FNDC3A: variants seen among roughly 807,000 people sequenced by gnomAD.
The protein encoded by FNDC3A is fibronectin type-III domain-containing protein 3A.
In FNDC3A, 32 loss-of-function variants were observed where a neutral mutation model predicts 148.9. The ratio of observed to expected loss-of-function variants is 0.21; its 90% confidence interval spans 0.16 to 0.29. The LOEUF (loss-of-function observed/expected upper bound fraction) is 0.29, where lower values mean the gene tolerates loss of function less well. Ranked by LOEUF, FNDC3A falls within the 10% of genes least tolerant of loss-of-function variation. The probability of loss-of-function intolerance (pLI) is 1.00; values close to 1 mark genes in which losing one functional copy is unlikely to be tolerated. For missense variants in FNDC3A, 1,191 were observed against 1,452.8 expected, an observed-to-expected ratio of 0.82 and a Z score of 2.93; for synonymous variants, 472 against 473.6, an observed-to-expected ratio of 1.00 and a Z score of 0.04.
chr13:49,182,960 C>T (rs1490785047), intron 14 of FNDC3A, among the ~76,000 whole-genome samples: 1 of 152,102 alleles, frequency 6.6e-6, no homozygotes, highest in Non-Finnish European at 1.5e-5. Context: ...CCTTCAGGCT[C>T]TTTTTTCACC....
chr13:49,153,557 C>T (rs966674144), intron 8 of FNDC3A, among the ~76,000 whole-genome samples: 23 of 152,086 alleles, frequency 1.5e-4, no homozygotes, highest in African/African-American at 5.3e-4. Flanking sequence ...CTTTTGTTTC[C>T]ATTGCTTTTG....
intron 3 of FNDC3A, among the ~76,000 whole-genome samples, chr13:49,107,433 T>TG (rs1880269466): frequency 6.6e-6 from 1 of 152,092 alleles, no homozygotes; most frequent in Non-Finnish European, 1.5e-5. Context: ...TGGGCACAGA[T>TG]GCAATGGTTC....
chr13:49,175,755 C>T (rs943943526), intron 13 of FNDC3A, among the ~76,000 whole-genome samples: 3 of 151,888 alleles, frequency 2.0e-5, no homozygotes, highest in Non-Finnish European at 2.9e-5. Context: ...GAATAGGAGA[C>T]GAGGGCATCC....
At chr13:49,141,862 C>T (rs1037844238) in intron 7 of FNDC3A, among the ~76,000 whole-genome samples, 61 of 152,000 alleles carry the variant, frequency 4.0e-4, no homozygotes, top group Non-Finnish European at 7.2e-4. Context: ...ACAATCATAC[C>T]TATTTTCAGC....
chr13:49,011,172 A>G (rs191338869), intron 2 of FNDC3A, among the ~76,000 whole-genome samples: 2 of 152,200 alleles, frequency 1.3e-5, no homozygotes, highest in Admixed American at 6.5e-5. Flanking sequence ...TTAGTCAGTC[A>G]TAAGTGTAGT....
intron 8 of FNDC3A, among the ~76,000 whole-genome samples, chr13:49,161,757 C>T (rs542035533): frequency 6.6e-6 from 1 of 152,270 alleles, no homozygotes; most frequent in South Asian, 2.1e-4. Flanking sequence ...GGTTCCTTTC[C>T]ATGTTTAGTG....
chr13:49,078,723 A>T (rs949674112), intron 3 of FNDC3A, among the ~76,000 whole-genome samples: 1 of 152,236 alleles, frequency 6.6e-6, no homozygotes, highest in Non-Finnish European at 1.5e-5. Context: ...AGCCATCACT[A>T]GTTTCTGTCA....
rs1485291348 is a variant in FNDC3A at position 48,983,656 on chromosome 13, C to T, written c.-40+7479C>T. Among the ~76,000 whole-genome samples, 14 of 152,166 alleles carry T rather than the reference C, an allele frequency of 9.2e-5. 1 individual carries two copies. The East Asian group carries it at 2.7e-3, about 29-fold the overall frequency. ...ATTTGTGCTTGACAAATAAAAGGCA[C>T]TTAGTAAATAATATGATTAATAGGC... is the stretch of plus-strand genomic sequence containing the variant. On this transcript the variant is annotated intron_variant, in intron 1 of 25. Coordinates refer to ENST00000492622, the MANE Select transcript of FNDC3A (RefSeq NM_001079673.2).
intron 1 of FNDC3A, among the ~76,000 whole-genome samples, chr13:49,002,541 CAGGTCAAG>C (rs1229213528): frequency 6.6e-6 from 1 of 152,142 alleles, no homozygotes; most frequent in Non-Finnish European, 1.5e-5. Flanking sequence ...AATAGCCCCC[CAGGTCAAG>C]ACATAGAACA....
Position 49,198,141 on chromosome 13 carries a change from A to G in FNDC3A, c.2650A>G (p.Lys884Glu). Residue 884 changes from lysine (K) to glutamate (E), a missense_variant, in exon 22 of 26, where the codon AAG becomes GAG. Physicochemically the swap from Lys to Glu is moderately conservative, Grantham distance 56. Transcript: ENST00000492622. ...TACATGCCTTGCAATAAGCTGGGAAAAGCCTTGTGATCATGGTTCGGAAAT... is the reference window on the plus strand; with the variant it reads ...TACATGCCTTGCAATAAGCTGGGAAGAGCCTTGTGATCATGGTTCGGAAAT... The part of the protein sequence containing the change: ...PSTCLAISWE[K>E]PCDHGSEILA... 6.2e-7 allele frequency: 1 copy of G among 1,614,228 alleles called. No homozygotes were observed. Among genetic ancestry groups the G allele is most frequent in the Non-Finnish European group, 8.5e-7 (1 of 1,180,028 alleles).
chr13:49,016,585 G>T (rs931993890), intron 2 of FNDC3A, among the ~76,000 whole-genome samples: 336 of 152,040 alleles, frequency 2.2e-3, no homozygotes, highest in African/African-American at 5.4e-3. Flanking sequence ...GAAGGGTTTT[G>T]TGTGTCTCTA....
At position 49,187,741 on chromosome 13, in the gene FNDC3A, C is replaced by G. The variant is rs896514641; in HGVS notation, c.1825+551C>G. ...TGAAATGGCGGCACCTCACCAAGAC[C>G]TTTTTTTTTTCCTGGATTTTTTTTT... is the stretch of plus-strand genomic sequence containing the variant. On this transcript the variant is annotated intron_variant, in intron 16 of 25. Transcript: ENST00000492622. The G allele has an allele frequency of 3.5e-5, 32 of 902,404 alleles. No individual in the cohort carries two copies. The African/African-American group carries it at 4.7e-4, about 13-fold the overall frequency. 55.9% of individuals were successfully genotyped at this position (902,404 alleles called of 1,614,324 possible).
intron 8 of FNDC3A, among the ~76,000 whole-genome samples, chr13:49,158,023 C>A (rs1299424811): frequency 1.3e-5 from 2 of 151,572 alleles, no homozygotes; most frequent in East Asian, 1.9e-4. Context: ...GGCAGGCAGG[C>A]TTCCTGGAGC....
Position 49,004,176 on chromosome 13 carries a change from A to T in FNDC3A, c.-39-1976A>T, listed in dbSNP as rs117083718. Among the ~76,000 whole-genome samples the T allele has an allele frequency of 6.0e-4, 92 of 152,246 alleles. 1 individual carries two copies. The East Asian group carries it at 0.015, about 26-fold the overall frequency. ...ATTTGAGGTCAGAAGATAAGACTAG[A>T]ATGTAGAAAGTGAGTAGTAACAAAA... On this transcript the variant is annotated intron_variant, in intron 1 of 25. Transcript: ENST00000492622.
chr13:49,198,319 TAAAAC>T, intron 22 of FNDC3A, 38 bp from the exon 23 acceptor site: 1 of 1,611,814 alleles, frequency 6.2e-7, no homozygotes, highest in East Asian at 2.2e-5. Flanking sequence ...ACGCTTTAAA[TAAAAC>T]AATCATAACC....
At chr13:49,033,391 T>C (rs2137669164) in intron 2 of FNDC3A, among the ~76,000 whole-genome samples, 1 of 152,254 alleles carries the variant, frequency 6.6e-6, no homozygotes, top group East Asian at 1.9e-4. Flanking sequence ...GTACTGGTAA[T>C]CAGTTGTACC....
At chr13:49,008,098 G>A (rs1000262026) in intron 2 of FNDC3A, among the ~76,000 whole-genome samples, 3 of 152,068 alleles carry the variant, frequency 2.0e-5, no homozygotes, top group Admixed American at 1.3e-4. Context: ...AATGTTTGCC[G>A]AATCCTAAGT....
At chr13:49,094,732 A>G (rs1879414939) in intron 3 of FNDC3A, among the ~76,000 whole-genome samples, 1 of 152,082 alleles carries the variant, frequency 6.6e-6, no homozygotes, top group Admixed American at 6.6e-5. Context: ...ATGGAAGCAT[A>G]TAGCAAGAGC....
intron 8 of FNDC3A, among the ~76,000 whole-genome samples, chr13:49,155,644 C>G (rs534305126): frequency 2.5e-5 from 3 of 121,796 alleles, no homozygotes; most frequent in Non-Finnish European, 5.1e-5. Context: ...CCTGCTTTCT[C>G]TTGTGGGCAT....
Sources: gnomAD v4.1 joint callset for allele counts (sites outside exome capture counted in the v4.1 genomes callset) on GRCh38, gnomAD v4.1.1 for gene constraint, MANE v1.5 for transcripts, NCBI Gene and HGNC (gene_info 2026-07-23, HGNC 2026-07-21) for gene names.